Variants in DLL4 observed in about 807,000 individuals in gnomAD.
DLL4 encodes the protein delta like canonical Notch ligand 4, also known as delta-like protein 4.
DLL4 carries 7 observed loss-of-function variants against 73.6 expected under a neutral mutation model. That is an observed-to-expected ratio of 0.10 (90% CI 0.05 to 0.18). DLL4 has a LOEUF of 0.18. DLL4 is among the 10% of genes least tolerant of loss of function. DLL4 has a pLI of 1.00. For synonymous variants in DLL4, 345 were observed against 374.3 expected (o/e 0.92, Z 0.90); for missense variants, 614 against 929.9 (o/e 0.66, Z 4.42).
At position 40,938,070 on chromosome 15, in the gene DLL4, G is replaced by T. The variant is rs762761242; in HGVS notation, c.*36G>T. On this transcript the variant is annotated 3_prime_UTR_variant, in exon 11 of 11. Coordinates refer to ENST00000249749, the MANE Select transcript of DLL4 (RefSeq NM_019074.4). ...TACCTGGACATCCCTGCTCAGCCCCGCGGCTGGACCTTCCTTCTGCATTGT... is the reference window on the plus strand; with the variant it reads ...TACCTGGACATCCCTGCTCAGCCCCTCGGCTGGACCTTCCTTCTGCATTGT... The T allele has an allele frequency of 1.3e-6, 2 of 1,524,648 alleles. No homozygotes were observed. The highest frequency in any genetic ancestry group is 2.2e-5 in the Admixed American group (1 of 45,070). 94.4% of individuals were successfully genotyped at this position (1,524,648 alleles called of 1,614,324 possible).
Position 40,936,880 on chromosome 15 carries a change from T to C in DLL4, c.1893T>C (p.Phe631=), listed in dbSNP as rs1808716786. The C allele has an allele frequency of 3.7e-6, 6 of 1,612,574 alleles. No individual in the cohort carries two copies. Among genetic ancestry groups the C allele is most frequent in the Non-Finnish European group, 5.1e-6 (6 of 1,179,724 alleles). Residue 631 remains phenylalanine, a synonymous_variant, in exon 9 of 11, where the codon TTT becomes TTC. Coordinates refer to ENST00000249749, the MANE Select transcript of DLL4 (RefSeq NM_019074.4). ...GGCGGGGGACCATGCCAGGAAAGTT[T>C]CCCCACAGTGACAAGAGCTTAGGAG... ...PLGRGTMPGK[F]PHSDKSLGEK... is the part of the protein sequence containing the mutation.
At position 40,929,679 on chromosome 15, in the gene DLL4, C is replaced by G. The variant is rs1365179401; in HGVS notation, c.11C>G (p.Ala4Gly). 2.6e-6 allele frequency: 4 copies of G among 1,553,014 alleles called. No individual in the cohort carries two copies. Among genetic ancestry groups the G allele is most frequent in the Non-Finnish European group, 3.4e-6 (4 of 1,159,440 alleles). MAA[A>G]SRSASGWALL... ...GCGACGCCCGAGGGGATGGCGGCAG[C>G]GTCCCGGAGCGCCTCTGGCTGGGCG... The change falls in exon 1 of 11, where the codon GCG becomes GGG. Residue 4 changes from alanine to glycine, a missense_variant. This residue lies in a region of DLL4 where 227 missense variants were observed against 370.8 expected (regional missense o/e 0.61). Transcript: ENST00000249749. This position sits in a 1 kb window ranked among gnomAD's most constrained non-coding sequence, Gnocchi z 7.1.
chr15:40,932,866 T>C (rs900354914), intron 6 of DLL4, among the ~76,000 whole-genome samples: 1 of 152,200 alleles, frequency 6.6e-6, no homozygotes, highest in East Asian at 1.9e-4. Flanking sequence ...CGGTGGGGTG[T>C]GCCCACCGGC....
At chr15:40,931,790 T>G (rs1892774867) in intron 4 of DLL4, 24 bp downstream of exon 4, 1 of 1,611,826 alleles carries the variant, frequency 6.2e-7, no homozygotes, top group Non-Finnish European at 8.5e-7. Context: ...CTCCCACCTG[T>G]GTGGAAGGGG....
chr15:40,929,557 A>T lies in DLL4; in HGVS notation c.-112A>T, dbSNP rs1892731995. ...AAGGCCAAAGGGGAGCAGCGTCCCG[A>T]GAGGAGCGCCTCTTTTCAGGGACCC... is the stretch of plus-strand genomic sequence containing the variant. On this transcript the variant is annotated 5_prime_UTR_variant, in exon 1 of 11. Coordinates refer to ENST00000249749, the MANE Select transcript of DLL4 (RefSeq NM_019074.4). This position sits in a 1 kb window ranked among gnomAD's most constrained non-coding sequence, Gnocchi z 7.1. 1 of 1,002,898 alleles carries T rather than the reference A, an allele frequency of 1.0e-6. No homozygotes were observed. The highest frequency in any genetic ancestry group is 1.4e-6 in the Non-Finnish European group (1 of 706,998). 62.1% of individuals were successfully genotyped at this position (1,002,898 alleles called of 1,614,324 possible). A position where few individuals can be genotyped will look rare whatever the true frequency, so the allele number is the denominator to read the frequency against.
chr15:40,933,043 C>T (rs1005232261), intron 6 of DLL4, among the ~76,000 whole-genome samples: 1 of 152,226 alleles, frequency 6.6e-6, no homozygotes, highest in African/African-American at 2.4e-5. Context: ...TATACAGGGG[C>T]CTTTCAGCCC....
chr15:40,930,141 G>A lies in DLL4; in HGVS notation c.336+25G>A, dbSNP rs1163487705. 1 of 1,599,424 alleles carries A rather than the reference G, an allele frequency of 6.3e-7. No individual in the cohort carries two copies. The highest frequency in any genetic ancestry group is 2.3e-5 in the East Asian group (1 of 44,328). ...GGTGAGCACAGCCTGGGCGCACTGG[G>A]AGGTCGCAGAAGCCGAGAGAGGAGG... is the stretch of plus-strand genomic sequence containing the variant. On this transcript the variant is annotated intron_variant, in intron 2 of 10. Transcript: ENST00000249749. This position sits in a 1 kb window ranked among gnomAD's most constrained non-coding sequence, Gnocchi z 5.7.
rs1216159824 is a variant in DLL4 at position 40,930,956 on chromosome 15, T to C, written c.394+274T>C. 9 of 567,322 alleles carry C rather than the reference T, an allele frequency of 1.6e-5. No homozygotes were observed. The highest frequency in any genetic ancestry group is 2.2e-5 in the Non-Finnish European group (7 of 318,356). 35.1% of individuals were successfully genotyped at this position (567,322 alleles called of 1,614,324 possible). A position where few individuals can be genotyped will look rare whatever the true frequency, so the allele number is the denominator to read the frequency against. On this transcript the variant is annotated intron_variant, in intron 3 of 10. Coordinates refer to ENST00000249749, the MANE Select transcript of DLL4 (RefSeq NM_019074.4). This position sits in a 1 kb window ranked among gnomAD's most constrained non-coding sequence, Gnocchi z 5.7. ...CCAGCGCCGCTGACGGGCCCCTTCC[T>C]GTATTTTACACCTTTCGCGAATTCC... is the stretch of plus-strand genomic sequence containing the variant.
chr15:40,935,284 A>T (rs753734642), intron 8 of DLL4, among the ~76,000 whole-genome samples, 167 bp downstream of exon 8: 54 of 152,292 alleles, frequency 3.5e-4, no homozygotes, highest in South Asian at 2.3e-3. Flanking sequence ...GTGGAAGCGG[A>T]GCTGGTTAGT....
At chr15:40,931,096 A>G (rs1892763624) in intron 3 of DLL4, 1 of 356,446 alleles carries the variant, frequency 2.8e-6, no homozygotes, top group Non-Finnish European at 5.1e-6. Context: ...ACCATTACCC[A>G]CCTCTGGAGG....
chr15:40,930,709 G>T lies in DLL4; in HGVS notation c.394+27G>T, dbSNP rs1390909129. The T allele has an allele frequency of 3.1e-6, 5 of 1,610,674 alleles. No homozygotes were observed. The highest frequency in any genetic ancestry group is 3.4e-6 in the Non-Finnish European group (4 of 1,177,342). The stretch of plus-strand genomic sequence containing the variant: ...TGAGTAGCTCGCTCCGCCACCACAG[G>T]GGGGCGACACGGCGCAGCGCCGAAA... On this transcript the variant is annotated intron_variant, in intron 3 of 10. Transcript: ENST00000249749. This position sits in a 1 kb window ranked among gnomAD's most constrained non-coding sequence, Gnocchi z 5.7.
In DLL4 at chr15:40,932,353, A is replaced by C; in HGVS notation, c.756A>C (p.Glu252Asp). The change falls in exon 6 of 11, where the codon GAA becomes GAC. Residue 252 changes from glutamate (E) to aspartate (D), a missense_variant. Physicochemically the swap from Glu to Asp is conservative, Grantham distance 45. Transcript: ENST00000249749. ...RPGWQGRLCNECIPHNGCRHG... is the reference protein window; with the variant it reads ...RPGWQGRLCNDCIPHNGCRHG... ...GCTGGCAGGGCCGGCTGTGTAACGA[A>C]TGCATCCCCCACAATGGCTGTCGCC... 6.2e-7 allele frequency: 1 copy of C among 1,613,966 alleles called. No individual in the cohort carries two copies. The highest frequency in any genetic ancestry group is 8.5e-7 in the Non-Finnish European group (1 of 1,179,892).
rs1892757670 is a variant in DLL4, at chr15:40,930,750, AGG to A, written c.394+69_394+70del. ...AGCGCCGAAAGAGTTAATCTGTTCT[AGG>A]CGGGGGAAGTGCGGGCTTGGGGGTG... On this transcript the variant is annotated intron_variant, in intron 3 of 10. Transcript: ENST00000249749. The surrounding 1 kb of genome is among the most constrained non-coding windows in gnomAD (Gnocchi z 5.7). The A allele has an allele frequency of 1.4e-6, 2 of 1,397,630 alleles. No individual in the cohort carries two copies. The highest frequency in any genetic ancestry group is 2.0e-6 in the Non-Finnish European group (2 of 993,642). The allele number at this position is 1,397,630 out of a possible 1,614,324, so 86.6% of individuals were successfully genotyped here. A position where few individuals can be genotyped will look rare whatever the true frequency, so the allele number is the denominator to read the frequency against.
intron 6 of DLL4, 150 bp from the exon 7 acceptor site, chr15:40,934,398 T>G: frequency 1.7e-6 from 1 of 601,114 alleles, no homozygotes; most frequent in Non-Finnish European, 2.8e-6. Context: ...AAAAAGATTT[T>G]ATTGGTGGTG....
At chr15:40,936,164 T>C in intron 8 of DLL4, 64 bp from the exon 9 acceptor site, 3 of 1,405,234 alleles carry the variant, frequency 2.1e-6, no homozygotes, top group Non-Finnish European at 2.8e-6. Flanking sequence ...GGAATGGGGC[T>C]CCCACCCCCT....
At chr15:40,934,195 G>A (rs527963766) in intron 6 of DLL4, among the ~76,000 whole-genome samples, 4 of 151,648 alleles carry the variant, frequency 2.6e-5, no homozygotes, top group Non-Finnish European at 5.9e-5. Context: ...GCACAGTGGC[G>A]CATGCCTGTA....
At chr15:40,934,858 C>T in intron 7 of DLL4, 40 bp from the exon 8 acceptor site, 1 of 1,601,838 alleles carries the variant, frequency 6.2e-7, no homozygotes, top group Non-Finnish European at 8.5e-7. Context: ...ATCCCTGCCC[C>T]CCAGGGTCTG....
At position 40,930,237 on chromosome 15, in the gene DLL4, G is replaced by C; in HGVS notation, c.336+121G>C. 1 of 1,248,864 alleles carries C rather than the reference G, an allele frequency of 8.0e-7. No individual in the cohort carries two copies. The highest frequency in any genetic ancestry group is 1.1e-6 in the Non-Finnish European group (1 of 909,834). The allele number at this position is 1,248,864 out of a possible 1,614,324, so 77.4% of individuals were successfully genotyped here. A position where few individuals can be genotyped will look rare whatever the true frequency, so the allele number is the denominator to read the frequency against. ...CCCCCACCCCCAAAAAGCCCAGGAT[G>C]CATTCTTTCCTGGCTCTTCCCGACT... On this transcript the variant is annotated intron_variant, in intron 2 of 10. Transcript: ENST00000249749. The surrounding 1 kb of genome is among the most constrained non-coding windows in gnomAD (Gnocchi z 5.7).
chr15:40,931,752 A>T lies in DLL4; in HGVS notation c.644A>T (p.Glu215Val). ...TCCTGCCTGCCCGGTTGGACTGGGG[A>T]ATATTGCCAACAGCGTAAGCAGTCA... is the stretch of plus-strand genomic sequence containing the variant. The part of the protein sequence containing the change: ...NLSCLPGWTG[E>V]YCQQPICLSG... The change falls in exon 4 of 11, where the codon GAA (glutamate) becomes GTA (valine). Residue 215 changes from glutamate (E) to valine (V), a missense_variant. Physicochemically the swap from Glu to Val is moderately radical, Grantham distance 121 (BLOSUM62 -2). This residue lies in a region of DLL4 where 227 missense variants were observed against 370.8 expected (regional missense o/e 0.61). Coordinates refer to ENST00000249749, the MANE Select transcript of DLL4 (RefSeq NM_019074.4). 1 of 1,613,576 alleles carries T rather than the reference A, an allele frequency of 6.2e-7. No homozygotes were observed. Among genetic ancestry groups the T allele is most frequent in the Non-Finnish European group, 8.5e-7 (1 of 1,179,876 alleles).
Sources: allele counts gnomAD v4.1 joint callset (sites outside exome capture counted in the v4.1 genomes callset), GRCh38; gene constraint gnomAD v4.1.1; regional missense constraint gnomAD v4.1.1; non-coding constraint Gnocchi (gnomAD v3.1); transcripts MANE v1.5; gene names NCBI Gene and HGNC (gene_info 2026-07-23, HGNC 2026-07-21).